Variants in PTPRN2 observed in about 807,000 individuals in gnomAD.
The protein encoded by PTPRN2 is protein tyrosine phosphatase receptor type N2.
In PTPRN2, 74 loss-of-function variants were observed where a neutral mutation model predicts 118.8. The observed-to-expected ratio is 0.62, with a 90% CI of 0.52 to 0.76. The LOEUF (loss-of-function observed/expected upper bound fraction) is 0.76. Among genes scored for constraint, PTPRN2 ranks in the 30% least tolerant of loss-of-function variants. PTPRN2 has a pLI of 0.00. For synonymous variants in PTPRN2, 641 were observed against 608.0 expected (o/e 1.05, Z -0.80); for missense variants, 1,481 against 1,394.4 (o/e 1.06, Z -0.99).
At chr7:157,722,177 A>G (rs1157239635) in intron 12 of PTPRN2, among the ~76,000 whole-genome samples, 1 of 152,204 alleles carries the variant, frequency 6.6e-6, no homozygotes, top group Non-Finnish European at 1.5e-5. Context: ...CCCACCTGCG[A>G]GGAGGCTCGT....
At chr7:158,532,382 T>C (rs1825313340) in intron 1 of PTPRN2, among the ~76,000 whole-genome samples, 1 of 152,180 alleles carries the variant, frequency 6.6e-6, no homozygotes, top group South Asian at 2.1e-4. Flanking sequence ...CTGTGGCTTC[T>C]GAGAAGCCCC....
chr7:158,556,562 A>G (rs1189235101), intron 1 of PTPRN2, among the ~76,000 whole-genome samples: 4 of 152,204 alleles, frequency 2.6e-5, no homozygotes, highest in African/African-American at 9.6e-5. Flanking sequence ...CAAAAAAAAA[A>G]AAAAAGATAG....
Position 157,611,974 on chromosome 7 carries a change from G to A in PTPRN2, c.2345-7899C>T, listed in dbSNP as rs568608607. Among the ~76,000 whole-genome samples the A allele has an allele frequency of 1.3e-5, 2 of 152,174 alleles. No homozygotes were observed. The highest frequency in any genetic ancestry group is 2.9e-5 in the Non-Finnish European group (2 of 68,022). On this transcript the variant is annotated intron_variant, in intron 15 of 22. Coordinates refer to ENST00000389418, the MANE Select transcript of PTPRN2 (RefSeq NM_002847.5). The surrounding 1 kb of genome is among the most constrained non-coding windows in gnomAD (Gnocchi z 5.9). ...GCTGAGGAGCGAGGCCTCCAGAGAA[G>A]CCAGCCCTGCTGACACCCTGACCTC...
chr7:157,884,879 ACCT>A (rs1796364031), intron 12 of PTPRN2, among the ~76,000 whole-genome samples: 1 of 151,998 alleles, frequency 6.6e-6, no homozygotes, highest in African/African-American at 2.4e-5. Flanking sequence ...AAACCCTATC[ACCT>A]CCTCATTGCT....
At chr7:158,516,599 G>A (rs1016873249) in intron 1 of PTPRN2, among the ~76,000 whole-genome samples, 1 of 151,012 alleles carries the variant, frequency 6.6e-6, no homozygotes, top group Non-Finnish European at 1.5e-5. Context: ...TCTTCGTGCT[G>A]TTCTTGGTGC....
chr7:158,177,834 G>A (rs902322515), intron 5 of PTPRN2, among the ~76,000 whole-genome samples: 1 of 152,212 alleles, frequency 6.6e-6, no homozygotes, highest in Non-Finnish European at 1.5e-5. Flanking sequence ...ATGAAGATAC[G>A]TGTGTAAATC....
chr7:157,945,251 C>T (rs546616240), intron 11 of PTPRN2, among the ~76,000 whole-genome samples: 1 of 152,140 alleles, frequency 6.6e-6, no homozygotes, highest in Non-Finnish European at 1.5e-5. Context: ...TTCAACCCCA[C>T]CCATTCGCAG....
chr7:157,683,050 T>C, intron 12 of PTPRN2, 113 bp from the exon 13 acceptor site: 2 of 940,774 alleles, frequency 2.1e-6, no homozygotes, highest in Non-Finnish European at 3.3e-6. Context: ...CAGGACGCTG[T>C]GCTGGCCCTG....
intron 2 of PTPRN2, among the ~76,000 whole-genome samples, chr7:158,337,941 C>T (rs192994696): frequency 5.4e-4 from 15 of 27,610 alleles, no homozygotes; most frequent in East Asian, 1.2e-3. Context: ...TCACTCACAC[C>T]CACACTCTCA....
Position 157,598,947 on chromosome 7 carries a change from C to G in PTPRN2, c.2419-3632G>C, listed in dbSNP as rs1242410024. On this transcript the variant is annotated intron_variant, in intron 16 of 22. Coordinates refer to ENST00000389418, the MANE Select transcript of PTPRN2 (RefSeq NM_002847.5). The surrounding 1 kb of genome is among the most constrained non-coding windows in gnomAD (Gnocchi z 5.2). ...CACAGAGAATCCAGTGTGACTCACT[C>G]CAAGTGACTTCATGAAAATCAACAG... 5.9e-5 allele frequency among the ~76,000 whole-genome samples: 9 copies of G among 152,146 alleles called. No homozygotes were observed. In the East Asian group the frequency reaches 1.7e-3, roughly 29 times the overall value.
chr7:158,306,188 A>T (rs2151060658), intron 3 of PTPRN2, among the ~76,000 whole-genome samples: 1 of 152,348 alleles, frequency 6.6e-6, no homozygotes, highest in East Asian at 1.9e-4. Flanking sequence ...GTAGAGGATA[A>T]TGGTTGGGAC....
intron 11 of PTPRN2, among the ~76,000 whole-genome samples, chr7:157,957,046 T>C (rs904729069): frequency 1.3e-5 from 2 of 152,134 alleles, no homozygotes; most frequent in Non-Finnish European, 2.9e-5. Context: ...CAGAACCACA[T>C]GAGCGAATGG....
At position 158,126,628 on chromosome 7, in the gene PTPRN2, G is replaced by A. The variant is rs1399999063; in HGVS notation, c.1556+7049C>T. Among the ~76,000 whole-genome samples, 67 of 114,382 alleles carry A rather than the reference G, an allele frequency of 5.9e-4. No individual in the cohort carries two copies. In the Middle Eastern group the frequency reaches 0.021, roughly 36 times the overall value. 75.0% of individuals were successfully genotyped at this position (114,382 alleles called of 152,430 possible). ...TCTCCGCCACACCAGCCCCCGGAGA[G>A]CGGGCGGCGGAACTTCCTCTCCACC... On this transcript the variant is annotated intron_variant, in intron 9 of 22. Transcript: ENST00000389418.
At chr7:157,847,420 A>G (rs1427389855) in intron 12 of PTPRN2, among the ~76,000 whole-genome samples, 1 of 150,282 alleles carries the variant, frequency 6.7e-6, no homozygotes, top group African/African-American at 2.5e-5. Context: ...GCCCTCTCTC[A>G]CTCCATCAGG....
chr7:158,354,279 T>G (rs1378109479), intron 2 of PTPRN2, among the ~76,000 whole-genome samples: 1 of 151,828 alleles, frequency 6.6e-6, no homozygotes, highest in East Asian at 1.9e-4. Flanking sequence ...GATAAATAAA[T>G]AACCGTTCAG....
At chr7:157,638,458 G>A (rs143354797) in intron 14 of PTPRN2, among the ~76,000 whole-genome samples, 1 of 152,376 alleles carries the variant, frequency 6.6e-6, no homozygotes, top group East Asian at 1.9e-4. Flanking sequence ...GAAGGGAAGA[G>A]AACATTCAGG....
chr7:157,644,877 T>C (rs1804954051), intron 14 of PTPRN2, among the ~76,000 whole-genome samples: 1 of 151,820 alleles, frequency 6.6e-6, no homozygotes, highest in African/African-American at 2.4e-5. Flanking sequence ...TACAATCCTA[T>C]GCACGATTTC....
intron 21 of PTPRN2, among the ~76,000 whole-genome samples, chr7:157,551,366 A>G (rs527360497): frequency 1.3e-5 from 2 of 152,118 alleles, no homozygotes; most frequent in East Asian, 3.9e-4. Context: ...AATAAGCTGC[A>G]ATTCACAGCA....
intron 21 of PTPRN2, among the ~76,000 whole-genome samples, chr7:157,563,325 C>T (rs1258241894): frequency 7.6e-6 from 1 of 131,032 alleles, no homozygotes; most frequent in Non-Finnish European, 1.6e-5. Context: ...CGCATCACCA[C>T]ACCACATGCA....
Sources: allele counts gnomAD v4.1 joint callset (sites outside exome capture counted in the v4.1 genomes callset), GRCh38; gene constraint gnomAD v4.1.1; non-coding constraint Gnocchi (gnomAD v3.1); transcripts MANE v1.5; gene names NCBI Gene and HGNC (gene_info 2026-07-23, HGNC 2026-07-21).